LAMB1: variants seen among roughly 807,000 people sequenced by gnomAD.
LAMB1 encodes laminin subunit beta 1.
LAMB1 carries 121 observed loss-of-function variants against 222.3 expected under a neutral mutation model. That is an observed-to-expected ratio of 0.54 (90% CI 0.47 to 0.63). The LOEUF (loss-of-function observed/expected upper bound fraction) is 0.63. Ranked by LOEUF, LAMB1 falls within the 30% of genes least tolerant of loss-of-function variation. LAMB1 has a pLI of 0.00. For synonymous variants in LAMB1, 794 were observed against 807.2 expected, an observed-to-expected ratio of 0.98 and a Z score of 0.28; for missense variants, 2,172 against 2,240.8, an observed-to-expected ratio of 0.97 and a Z score of 0.62.
intron 4 of LAMB1, among the ~76,000 whole-genome samples, chr7:107,996,667 CTT>C (rs1156285702): frequency 6.6e-6 from 1 of 152,170 alleles, no homozygotes; most frequent in Non-Finnish European, 1.5e-5. Flanking sequence ...TGGAAAATCT[CTT>C]CTTTCTGGCA....
intron 23 of LAMB1, 44 bp from the exon 24 acceptor site, chr7:107,951,366 G>A (rs745562570): frequency 1.9e-6 from 3 of 1,559,416 alleles, no homozygotes; most frequent in Admixed American, 1.7e-5. Context: ...CTTCAGGCCA[G>A]AAGCCAGTTG....
At chr7:107,957,415 C>CA (rs1014037979) in intron 20 of LAMB1, among the ~76,000 whole-genome samples, 2 of 151,320 alleles carry the variant, frequency 1.3e-5, no homozygotes, top group African/African-American at 4.9e-5. Flanking sequence ...ACAACAACAA[C>CA]AAAAAGCCTG....
chr7:107,963,073 T>C lies in LAMB1; in HGVS notation c.1699-10A>G, dbSNP rs765274609. On this transcript the variant is annotated splice_polypyrimidine_tract_variant and intron_variant, in intron 14 of 33. Transcript: ENST00000222399. The stretch of plus-strand genomic sequence containing the variant: ...CCACTATGCTAACCCCCTGAGGGCA[T>C]GGCAAACAATGGTTATTCTGTATTT... 2.6e-5 allele frequency: 42 copies of C among 1,589,522 alleles called. 1 individual carries two copies. The South Asian group carries it at 3.8e-4, about 15-fold the overall frequency.
chr7:107,947,149 G>A (rs2033134902), intron 24 of LAMB1, among the ~76,000 whole-genome samples: 1 of 152,138 alleles, frequency 6.6e-6, no homozygotes, highest in South Asian at 2.1e-4. Context: ...GTTCAGGCTT[G>A]GCACCATCGA....
intron 5 of LAMB1, among the ~76,000 whole-genome samples, chr7:107,992,870 G>A (rs1482118673): frequency 1.3e-5 from 2 of 152,128 alleles, no homozygotes; most frequent in African/African-American, 2.4e-5. Flanking sequence ...ACTCCAGCCT[G>A]GGCAATAGAG....
intron 24 of LAMB1, among the ~76,000 whole-genome samples, chr7:107,944,705 AC>A (rs3216280): frequency 0.18 from 26,830 of 151,986 alleles, 2,837 homozygotes; most frequent in South Asian, 0.25. Flanking sequence ...TTGTAAAAAG[AC>A]CCCCTCCACT....
At chr7:107,978,356 G>A (rs1339175703) in intron 8 of LAMB1, among the ~76,000 whole-genome samples, 189 bp from the exon 9 acceptor site, 1 of 151,604 alleles carries the variant, frequency 6.6e-6, no homozygotes, top group Non-Finnish European at 1.5e-5. Context: ...ATGGCTACAT[G>A]CCTCATCTCT....
chr7:107,959,474 T>C lies in LAMB1; in HGVS notation c.2465A>G (p.Glu822Gly). 6.2e-7 allele frequency: 1 copy of C among 1,614,010 alleles called. No individual in the cohort carries two copies. The highest frequency in any genetic ancestry group is 8.5e-7 in the Non-Finnish European group (1 of 1,179,968). Residue 822 changes from glutamate (E) to glycine (G), a missense_variant, in exon 20 of 34, where the codon GAG (glutamate) becomes GGG (glycine). Physicochemically the swap from Glu to Gly is moderately conservative, Grantham distance 98. Transcript: ENST00000222399. Reference sequence around the variant, plus strand: ...ATTGACAGATCCTTGCAGATGGCACTCACAAGCTAAAGAAACAGGCAAACA... The same window carrying C: ...ATTGACAGATCCTTGCAGATGGCACCCACAAGCTAAAGAAACAGGCAAACA... ...GFGPSGCKPC[E>G]CHLQGSVNAF...
rs570916270 is a variant in LAMB1 at position 107,947,524 on chromosome 7, T to C, written c.3391+3702A>G. On this transcript the variant is annotated intron_variant, in intron 24 of 33. Transcript: ENST00000222399. ...GCTCCTGTTTCTAATCGTGAATGCA[T>C]TCCAGCACAAACATAACCAAGAGCC... 4.6e-5 allele frequency among the ~76,000 whole-genome samples: 7 copies of C among 152,308 alleles called. No homozygotes were observed. The East Asian group carries it at 1.2e-3, about 25-fold the overall frequency.
rs1401803915 is a variant in LAMB1, at chr7:107,937,113, A to T, written c.3926T>A (p.Ile1309Asn). Reference protein sequence around the residue: ...VKELAEQLEFIKNSDIRGALD... With the variant: ...VKELAEQLEFNKNSDIRGALD... ...CTCACCCCGAATATCTGAGTTTTTG[A>T]TAAATTCCAGTTGTTCAGCAAGTTC... The change falls in exon 26 of 34, where the codon ATC becomes AAC. Residue 1309 changes from isoleucine (I) to asparagine (N), a missense_variant. Coordinates refer to ENST00000222399, the MANE Select transcript of LAMB1 (RefSeq NM_002291.3). 2 of 1,613,764 alleles carry T rather than the reference A, an allele frequency of 1.2e-6. No homozygotes were observed. Among genetic ancestry groups the T allele is most frequent in the South Asian group, 1.1e-5 (1 of 90,950 alleles).
At chr7:107,979,816 G>A (rs1342169132) in intron 8 of LAMB1, among the ~76,000 whole-genome samples, 4 of 152,248 alleles carry the variant, frequency 2.6e-5, no homozygotes, top group African/African-American at 7.2e-5. Context: ...GCTCACGCCT[G>A]TAATTCCAGC....
chr7:107,963,511 A>C (rs1199058578), intron 14 of LAMB1, among the ~76,000 whole-genome samples: 1 of 152,238 alleles, frequency 6.6e-6, no homozygotes, highest in Admixed American at 6.5e-5. Flanking sequence ...TGATATAATG[A>C]ATGTTCACAA....
At chr7:107,953,142 A>C (rs1237289658) in intron 22 of LAMB1, among the ~76,000 whole-genome samples, 1 of 152,206 alleles carries the variant, frequency 6.6e-6, no homozygotes, top group East Asian at 1.9e-4. Context: ...GGATCACCTG[A>C]GGTCAGGAGT....
intron 31 of LAMB1, among the ~76,000 whole-genome samples, chr7:107,927,351 G>A (rs1344443535): frequency 6.6e-6 from 1 of 152,064 alleles, no homozygotes; most frequent in Non-Finnish European, 1.5e-5. Flanking sequence ...CTGCCCCCTA[G>A]GGCCCCTGAA....
At chr7:107,961,483 A>G in intron 16 of LAMB1, 66 bp downstream of exon 16, 1 of 1,587,920 alleles carries the variant, frequency 6.3e-7, no homozygotes, top group Non-Finnish European at 8.6e-7. Flanking sequence ...AAAACTCGCA[A>G]AATATTAGAA....
intron 2 of LAMB1, 71 bp from the exon 3 acceptor site, chr7:108,001,804 C>T: frequency 1.3e-6 from 2 of 1,573,998 alleles, no homozygotes; most frequent in East Asian, 2.3e-5. Flanking sequence ...AACGAACAAG[C>T]GGGGGCGGGG....
chr7:107,952,842 T>G (rs2033288103), intron 22 of LAMB1, among the ~76,000 whole-genome samples: 1 of 152,214 alleles, frequency 6.6e-6, no homozygotes, highest in African/African-American at 2.4e-5. Context: ...GAAGGCTCTA[T>G]TCCATCAATG....
intron 31 of LAMB1, among the ~76,000 whole-genome samples, chr7:107,928,671 T>G (rs2032627392): frequency 6.6e-6 from 1 of 152,164 alleles, no homozygotes; most frequent in African/African-American, 2.4e-5. Flanking sequence ...TTTTGTATCT[T>G]TAGTAGAGAA....
At chr7:107,940,454 G>A in intron 24 of LAMB1, 96 bp from the exon 25 acceptor site, 1 of 1,344,162 alleles carries the variant, frequency 7.4e-7, no homozygotes, top group African/African-American at 1.4e-5. Context: ...GTGAAAATGG[G>A]AAGGTGTCAA....
Sources: gnomAD v4.1 joint callset for allele counts (sites outside exome capture counted in the v4.1 genomes callset) on GRCh38, gnomAD v4.1.1 for gene constraint, MANE v1.5 for transcripts, NCBI Gene and HGNC (gene_info 2026-07-23, HGNC 2026-07-21) for gene names.